Variants in PBX3 observed in about 807,000 individuals in gnomAD.
PBX3 encodes the protein PBX homeobox 3, also known as pre-B-cell leukemia transcription factor 3.
Under a neutral mutation model 48.5 loss-of-function variants are expected in PBX3, and 14 were observed. That is an observed-to-expected ratio of 0.29 (90% confidence interval 0.19 to 0.45). The LOEUF (loss-of-function observed/expected upper bound fraction) is 0.45. PBX3 is among the 20% of genes least tolerant of loss of function. PBX3 has a pLI of 1.00. For synonymous variants in PBX3, 210 were observed against 200.3 expected (o/e 1.05, Z -0.41); for missense variants, 386 against 546.7 (o/e 0.71, Z 2.93).
At chr9:125,942,037 C>T (rs1476400668) in intron 5 of PBX3, among the ~76,000 whole-genome samples, 1 of 152,256 alleles carries the variant, frequency 6.6e-6, no homozygotes, top group East Asian at 1.9e-4. Flanking sequence ...ATTCACTCAA[C>T]CAACATATTT....
intron 2 of PBX3, among the ~76,000 whole-genome samples, chr9:125,778,293 C>T (rs1170578290): frequency 6.8e-5 from 10 of 148,036 alleles, no homozygotes; most frequent in Non-Finnish European, 1.3e-4. Flanking sequence ...GAGTCTCACT[C>T]TGTCGTTCAG....
chr9:125,929,539 C>T (rs920736120), intron 3 of PBX3, 116 bp from the exon 4 acceptor site: 2 of 683,378 alleles, frequency 2.9e-6, no homozygotes, highest in Non-Finnish European at 4.9e-6. Context: ...TCATTTTACC[C>T]TACACACTGT....
intron 2 of PBX3, chr9:125,749,227 C>T (rs7026440): frequency 0.069 from 10,571 of 152,242 alleles, 1,152 homozygotes; most frequent in African/African-American, 0.23. Flanking sequence ...TGTAACTGTG[C>T]TTAATATATA....
intron 2 of PBX3, among the ~76,000 whole-genome samples, chr9:125,877,828 G>A (rs1194598305): frequency 6.6e-6 from 1 of 152,166 alleles, no homozygotes; most frequent in African/African-American, 2.4e-5. Flanking sequence ...GGGCACTGGG[G>A]CAGTTTGTTG....
At chr9:125,962,713 TTC>T (rs1367269144) in intron 7 of PBX3, among the ~76,000 whole-genome samples, 1 of 152,220 alleles carries the variant, frequency 6.6e-6, no homozygotes, top group African/African-American at 2.4e-5. Context: ...GTTGAGATAA[TTC>T]CATATACACA....
intron 5 of PBX3, among the ~76,000 whole-genome samples, chr9:125,937,248 T>C (rs1841857440): frequency 1.3e-5 from 2 of 152,186 alleles, no homozygotes; most frequent in African/African-American, 2.4e-5. Flanking sequence ...TAGAGTGTGC[T>C]CAATACACAC....
At chr9:125,813,459 A>G (rs1588173119) in intron 2 of PBX3, among the ~76,000 whole-genome samples, 1 of 152,218 alleles carries the variant, frequency 6.6e-6, no homozygotes, top group East Asian at 1.9e-4. Context: ...ATAACAGTAA[A>G]TGCAAACCCC....
intron 2 of PBX3, among the ~76,000 whole-genome samples, chr9:125,756,986 C>G (rs1836535205): frequency 6.6e-6 from 1 of 152,024 alleles, no homozygotes; most frequent in Non-Finnish European, 1.5e-5. Context: ...GAAAAGGGAA[C>G]AAAAAGCTTT....
intron 2 of PBX3, among the ~76,000 whole-genome samples, chr9:125,799,943 C>G (rs1837889751): frequency 6.6e-6 from 1 of 152,196 alleles, no homozygotes; most frequent in African/African-American, 2.4e-5. Context: ...TTGATTTCCT[C>G]TTGGGAGGTG....
At chr9:125,948,583 A>G (rs1250683917) in intron 5 of PBX3, among the ~76,000 whole-genome samples, 1 of 152,194 alleles carries the variant, frequency 6.6e-6, no homozygotes, top group Non-Finnish European at 1.5e-5. Context: ...CTCATGGGAT[A>G]CAGCTAAAGC....
At chr9:125,871,354 C>G (rs1837885646) in intron 2 of PBX3, among the ~76,000 whole-genome samples, 1 of 144,546 alleles carries the variant, frequency 6.9e-6, no homozygotes, top group South Asian at 2.2e-4. Context: ...GCACTCCAGT[C>G]TGGGTGACAG....
chr9:125,920,174 T>G, intron 3 of PBX3, among the ~76,000 whole-genome samples: 1 of 152,256 alleles, frequency 6.6e-6, no homozygotes, highest in Non-Finnish European at 1.5e-5. Context: ...TTTCCAAAAC[T>G]TGCGGCAAAC....
In PBX3 at chr9:125,792,054, G is replaced by A. The variant is rs1404658404; in HGVS notation, c.274+43431G>A. On this transcript the variant is annotated intron_variant, in intron 2 of 8. Transcript: ENST00000373489. ...ATACTACACACACACACGCACGCAC[G>A]CACGCACGCACGCACGCACGCATAT... 1.6e-4 allele frequency among the ~76,000 whole-genome samples: 24 copies of A among 145,476 alleles called. 1 individual carries two copies. The South Asian group carries it at 3.0e-3, about 18-fold the overall frequency.
At chr9:125,911,759 G>T (rs1841208202) in intron 2 of PBX3, among the ~76,000 whole-genome samples, 1 of 151,710 alleles carries the variant, frequency 6.6e-6, no homozygotes, top group Admixed American at 6.6e-5. Flanking sequence ...ATGCTCATTA[G>T]GAGAAAAAAA....
At chr9:125,908,245 G>A (rs1169251006) in intron 2 of PBX3, among the ~76,000 whole-genome samples, 1 of 152,110 alleles carries the variant, frequency 6.6e-6, no homozygotes, top group Non-Finnish European at 1.5e-5. Flanking sequence ...AAATAGAGCA[G>A]TGAGGGAAGC....
At chr9:125,787,118 C>T (rs552002210) in intron 2 of PBX3, among the ~76,000 whole-genome samples, 2 of 152,250 alleles carry the variant, frequency 1.3e-5, no homozygotes, top group South Asian at 2.1e-4. Context: ...TGGCTCACTG[C>T]AGCCTCAACC....
At chr9:125,755,069 A>G (rs576374870) in intron 2 of PBX3, among the ~76,000 whole-genome samples, 1 of 152,186 alleles carries the variant, frequency 6.6e-6, no homozygotes, top group Non-Finnish European at 1.5e-5. Context: ...GAGACTCAAC[A>G]TGTTATGGCA....
chr9:125,753,028 C>T (rs1041003758), intron 2 of PBX3, among the ~76,000 whole-genome samples: 4 of 152,262 alleles, frequency 2.6e-5, no homozygotes, highest in African/African-American at 4.8e-5. Flanking sequence ...CTCCCATGAA[C>T]TCAGTGCCCA....
At chr9:125,910,389 A>G (rs1841175722) in intron 2 of PBX3, among the ~76,000 whole-genome samples, 1 of 152,088 alleles carries the variant, frequency 6.6e-6, no homozygotes, top group South Asian at 2.1e-4. Context: ...TCACTGTAAT[A>G]TATGGTAAGA....
Sources: gnomAD v4.1 joint callset for allele counts (sites outside exome capture counted in the v4.1 genomes callset) on GRCh38, gnomAD v4.1.1 for gene constraint, MANE v1.5 for transcripts, NCBI Gene and HGNC (gene_info 2026-07-23, HGNC 2026-07-21) for gene names.